DMRT1: variants seen among roughly 807,000 people sequenced by gnomAD.
The protein encoded by DMRT1 is doublesex- and mab-3-related transcription factor 1.
A neutral mutation model predicts 32.3 loss-of-function variants in DMRT1; 7 were observed. The observed-to-expected ratio is 0.22, with a 90% CI of 0.12 to 0.41. The LOEUF (loss-of-function observed/expected upper bound fraction) is 0.41. DMRT1 is among the 10% of genes least tolerant of loss of function. The pLI, the probability that DMRT1 is intolerant of heterozygous loss-of-function variation, is 1.00. For missense variants in DMRT1, 625 were observed against 500.5 expected, an observed-to-expected ratio of 1.25 and a Z score of -2.37; for synonymous variants, 278 against 206.1, an observed-to-expected ratio of 1.35 and a Z score of -2.99.
At chr9:899,636 G>A (rs1209025698) in intron 3 of DMRT1, among the ~76,000 whole-genome samples, 1 of 152,198 alleles carries the variant, frequency 6.6e-6, no homozygotes, top group Admixed American at 6.5e-5. Context: ...GGCTGGTTCC[G>A]CTGACCAGCA....
chr9:882,260 G>A (rs1816762019), intron 2 of DMRT1, among the ~76,000 whole-genome samples: 2 of 152,104 alleles, frequency 1.3e-5, no homozygotes. Context: ...GGTGTGAAGG[G>A]GGATCCCAAA....
intron 2 of DMRT1, among the ~76,000 whole-genome samples, chr9:888,964 TAA>T (rs60836064): frequency 1.5e-4 from 20 of 136,884 alleles, no homozygotes; most frequent in Non-Finnish European, 1.6e-4. Flanking sequence ...CCATCTGTAT[TAA>T]AAAAAAAAAA....
intron 3 of DMRT1, among the ~76,000 whole-genome samples, chr9:901,353 G>T (rs1817566175): frequency 6.6e-6 from 1 of 151,612 alleles, no homozygotes; most frequent in South Asian, 2.1e-4. Flanking sequence ...GTGAGACAGA[G>T]CCTCACTCTG....
intron 4 of DMRT1, among the ~76,000 whole-genome samples, chr9:963,612 T>C (rs1046792816): frequency 4.6e-5 from 7 of 152,168 alleles, no homozygotes. Flanking sequence ...TCTTTACCTT[T>C]TATCCCTTGT....
rs12350113 is a variant in DMRT1, at chr9:933,465, G to A, written c.967+16558G>A. 7.8e-3 allele frequency among the ~76,000 whole-genome samples: 1,187 copies of A among 152,260 alleles called. 13 individuals carry two copies. The highest frequency in any genetic ancestry group is 0.027 in the African/African-American group (1,141 of 41,536). On this transcript the variant is annotated intron_variant, in intron 4 of 4. Coordinates refer to ENST00000382276, the MANE Select transcript of DMRT1 (RefSeq NM_021951.3). ...ACTGACCCTATTTTATCCATAAGCC[G>A]ATGCTGAATAGAGAGAATGGGTAAC...
At chr9:944,137 G>T (rs1379274891) in intron 4 of DMRT1, among the ~76,000 whole-genome samples, 1 of 152,232 alleles carries the variant, frequency 6.6e-6, no homozygotes. Context: ...TTTAGTTTTT[G>T]TGTGGAGTAA....
At chr9:927,092 G>A (rs986447546) in intron 4 of DMRT1, among the ~76,000 whole-genome samples, 6 of 152,198 alleles carry the variant, frequency 3.9e-5, no homozygotes, top group Non-Finnish European at 7.3e-5. Flanking sequence ...GGGCCCTAGC[G>A]ATTTTTTTCA....
chr9:874,360 G>A (rs1366091107), intron 2 of DMRT1, among the ~76,000 whole-genome samples: 4 of 152,014 alleles, frequency 2.6e-5, no homozygotes, highest in Admixed American at 6.6e-5. Context: ...ATATAGATTG[G>A]GTCCCTTTTT....
chr9:917,971 ACT>A (rs985665497), intron 4 of DMRT1, among the ~76,000 whole-genome samples: 3 of 152,060 alleles, frequency 2.0e-5, no homozygotes, highest in African/African-American at 7.2e-5. Flanking sequence ...GACAAGCACA[ACT>A]CTGTTTTATA....
chr9:866,313 T>C (rs1815987931), intron 2 of DMRT1, among the ~76,000 whole-genome samples: 1 of 151,630 alleles, frequency 6.6e-6, no homozygotes, highest in Non-Finnish European at 1.5e-5. Flanking sequence ...GCATATCAGA[T>C]GAAGAAGCAG....
chr9:851,535 G>A (rs949836116), intron 2 of DMRT1, among the ~76,000 whole-genome samples: 49 of 152,122 alleles, frequency 3.2e-4, no homozygotes, highest in African/African-American at 1.2e-3. Context: ...ACTGCATCTG[G>A]CCTTAGTAGA....
intron 2 of DMRT1, among the ~76,000 whole-genome samples, chr9:865,227 T>C (rs1815929045): frequency 6.6e-6 from 1 of 152,210 alleles, no homozygotes; most frequent in Non-Finnish European, 1.5e-5. Flanking sequence ...GTTATCTTGA[T>C]AACTTTATAC....
At chr9:887,596 G>T (rs1284161778) in intron 2 of DMRT1, among the ~76,000 whole-genome samples, 2 of 152,100 alleles carry the variant, frequency 1.3e-5, no homozygotes, top group Non-Finnish European at 2.9e-5. Context: ...GCTGGAGCGC[G>T]TCTTGTCCTT....
At chr9:917,276 C>T (rs1482473317) in intron 4 of DMRT1, among the ~76,000 whole-genome samples, 1 of 152,068 alleles carries the variant, frequency 6.6e-6, no homozygotes, top group African/African-American at 2.4e-5. Context: ...ACTCCTTTCC[C>T]AAAGACTTTC....
chr9:919,135 G>A lies in DMRT1; in HGVS notation c.967+2228G>A, dbSNP rs74799902. Reference sequence around the variant, plus strand: ...ATAACCAGTTACATGTGGCAGATCCGTCAAGTCTAAGTTCCTTTGGTTGAT... The same window carrying A: ...ATAACCAGTTACATGTGGCAGATCCATCAAGTCTAAGTTCCTTTGGTTGAT... On this transcript the variant is annotated intron_variant, in intron 4 of 4. Coordinates refer to ENST00000382276, the MANE Select transcript of DMRT1 (RefSeq NM_021951.3). Among the ~76,000 whole-genome samples the A allele has an allele frequency of 4.2e-3, 640 of 152,274 alleles. 3 individuals are homozygous for A. The highest frequency in any genetic ancestry group is 9.7e-3 in the Admixed American group (149 of 15,294).
At chr9:885,231 T>C (rs1338608575) in intron 2 of DMRT1, among the ~76,000 whole-genome samples, 2 of 152,270 alleles carry the variant, frequency 1.3e-5, no homozygotes, top group African/African-American at 2.4e-5. Flanking sequence ...CCTTTTAGTT[T>C]AGCTGTCTGT....
At chr9:852,910 G>GA (rs1815222519) in intron 2 of DMRT1, among the ~76,000 whole-genome samples, 1 of 152,218 alleles carries the variant, frequency 6.6e-6, no homozygotes, top group Non-Finnish European at 1.5e-5. Context: ...AGCACACAGT[G>GA]AGAGAGCACA....
At chr9:880,881 A>G (rs969874383) in intron 2 of DMRT1, among the ~76,000 whole-genome samples, 3 of 152,184 alleles carry the variant, frequency 2.0e-5, no homozygotes, top group African/African-American at 4.8e-5. Flanking sequence ...TGTTATTGCA[A>G]AAATACTTCT....
intron 4 of DMRT1, among the ~76,000 whole-genome samples, chr9:950,805 G>A (rs983654091): frequency 1.3e-5 from 2 of 152,144 alleles, no homozygotes; most frequent in African/African-American, 4.8e-5. Context: ...AGTGTTTCCA[G>A]AAACGACTGT....
Sources: allele counts gnomAD v4.1 joint callset (sites outside exome capture counted in the v4.1 genomes callset), GRCh38; gene constraint gnomAD v4.1.1; transcripts MANE v1.5; gene names NCBI Gene and HGNC (gene_info 2026-07-23, HGNC 2026-07-21).